The following NBEAL1 variants were observed in gnomAD, a reference collection of about 807,000 sequenced individuals.
NBEAL1 encodes neurobeachin-like protein 1.
In NBEAL1, 273 loss-of-function variants were observed where a neutral mutation model predicts 351.3. The ratio of observed to expected loss-of-function variants is 0.78; its 90% CI spans 0.70 to 0.86. The LOEUF is 0.86. NBEAL1 is among the 40% of genes least tolerant of loss of function. The pLI is 0.00. For missense variants in NBEAL1, 2,961 were observed against 3,201.3 expected (o/e 0.92, Z 1.81); for synonymous variants, 1,050 against 1,086.4 (o/e 0.97, Z 0.66).
chr2:203,050,056 A>G lies in NBEAL1; in HGVS notation c.305+81A>G, dbSNP rs1436759105. 7 of 1,295,298 alleles carry G rather than the reference A, an allele frequency of 5.4e-6. No homozygotes were observed. In the African/African-American group the frequency reaches 8.8e-5, roughly 16 times the overall value. 80.2% of individuals were successfully genotyped at this position (1,295,298 alleles called of 1,614,324 possible). ...AGAACACATGGAGATGAGGAGGGGAACATCACACACTGGGCCTATTGGTGG... is the reference window on the plus strand; with the variant it reads ...AGAACACATGGAGATGAGGAGGGGAGCATCACACACTGGGCCTATTGGTGG... On this transcript the variant is annotated intron_variant, in intron 4 of 55. Transcript: ENST00000683969.
At chr2:203,044,636 AT>A (rs1247758763) in intron 3 of NBEAL1, among the ~76,000 whole-genome samples, 1 of 152,196 alleles carries the variant, frequency 6.6e-6, no homozygotes, top group East Asian at 1.9e-4. Context: ...ACTGTGTTTC[AT>A]GTTTTTGTCA....
At chr2:203,044,507 C>G (rs1358182904) in intron 3 of NBEAL1, among the ~76,000 whole-genome samples, 1 of 152,122 alleles carries the variant, frequency 6.6e-6, no homozygotes, top group Non-Finnish European at 1.5e-5. Flanking sequence ...ACCAGTGTCT[C>G]TTTTCTTGGG....
chr2:203,121,248 T>G (rs2062823729), intron 18 of NBEAL1, among the ~76,000 whole-genome samples: 1 of 152,300 alleles, frequency 6.6e-6, no homozygotes, highest in East Asian at 1.9e-4. Context: ...ACGTTTTATG[T>G]GTATCTTGAA....
At chr2:203,126,484 A>G in intron 21 of NBEAL1, 73 bp from the exon 22 acceptor site, 4 of 1,143,140 alleles carry the variant, frequency 3.5e-6, no homozygotes, top group Non-Finnish European at 4.7e-6. Context: ...GTTCTGATTA[A>G]TGATTTAAAA....
intron 7 of NBEAL1, among the ~76,000 whole-genome samples, chr2:203,075,637 T>C (rs1035664930): frequency 6.6e-6 from 1 of 152,234 alleles, no homozygotes; most frequent in Non-Finnish European, 1.5e-5. Context: ...AGTACTCTGC[T>C]TTACAAATTC....
rs567762642 is a variant in NBEAL1, at chr2:203,149,787, T to C, written c.5462+639T>C. Among the ~76,000 whole-genome samples the C allele has an allele frequency of 4.6e-5, 7 of 152,298 alleles. 1 individual carries two copies. The South Asian group carries it at 1.4e-3, about 32-fold the overall frequency. On this transcript the variant is annotated intron_variant, in intron 34 of 55. Coordinates refer to ENST00000683969, the MANE Select transcript of NBEAL1 (RefSeq NM_001378026.1). ...CAGCTTTCTGACTGTATTTATTGCC[T>C]GTTCTGGTTATTTCATATAAATGGA...
chr2:203,067,778 C>G (rs2061618578), intron 6 of NBEAL1, among the ~76,000 whole-genome samples: 2 of 152,168 alleles, frequency 1.3e-5, no homozygotes. Flanking sequence ...AATCTCCACA[C>G]CACTATGCCC....
chr2:203,110,716 T>TAAATAC (rs1387132496), intron 15 of NBEAL1, among the ~76,000 whole-genome samples: 2 of 73,692 alleles, frequency 2.7e-5, no homozygotes, highest in Non-Finnish European at 6.4e-5. Context: ...TAAATAAATA[T>TAAATAC]ATAGAACGTT....
chr2:203,204,565 T>C (rs923254885), intron 51 of NBEAL1, among the ~76,000 whole-genome samples: 1 of 151,954 alleles, frequency 6.6e-6, no homozygotes, highest in Non-Finnish European at 1.5e-5. Context: ...CTCGAACTCC[T>C]AGGCTCAAGC....
chr2:203,157,187 A>G (rs751429527), intron 35 of NBEAL1, among the ~76,000 whole-genome samples: 25 of 152,172 alleles, frequency 1.6e-4, no homozygotes, highest in Non-Finnish European at 3.1e-4. Context: ...AAAATACATT[A>G]CATGTATTGC....
In NBEAL1 at chr2:203,138,189, A is replaced by T; in HGVS notation, c.4593A>T (p.Ala1531=). The change falls in exon 30 of 56, where the codon GCA becomes GCT. Residue 1531 remains alanine, a synonymous_variant. Coordinates refer to ENST00000683969, the MANE Select transcript of NBEAL1 (RefSeq NM_001378026.1). ...TGCTACAAAAGATGTTAGAATGGGC[A>T]ATCTCAGAAAACAGAGAAGCAAAAA... ...LTLLQKMLEW[A]ISENREAKTN... The T allele has an allele frequency of 6.2e-7, 1 of 1,614,094 alleles. No individual in the cohort carries two copies. The highest frequency in any genetic ancestry group is 8.5e-7 in the Non-Finnish European group (1 of 1,180,000).
chr2:203,120,702 C>T (rs1422130430), intron 18 of NBEAL1, among the ~76,000 whole-genome samples: 1 of 152,074 alleles, frequency 6.6e-6, no homozygotes, highest in East Asian at 1.9e-4. Flanking sequence ...GTAATATTAT[C>T]GGATTCGCAT....
At chr2:203,078,576 C>T (rs10174453) in intron 8 of NBEAL1, among the ~76,000 whole-genome samples, 45,062 of 152,042 alleles carry the variant, frequency 0.3, 7,266 homozygotes, top group East Asian at 0.61. Context: ...TGGGCTCAAG[C>T]GATCTTGCCC....
chr2:203,177,430 C>T (rs920586996), intron 42 of NBEAL1, among the ~76,000 whole-genome samples: 10 of 146,092 alleles, frequency 6.8e-5, no homozygotes, highest in African/African-American at 2.3e-4. Context: ...AATAAAAAGA[C>T]AACCCAATTA....
intron 31 of NBEAL1, among the ~76,000 whole-genome samples, chr2:203,141,363 A>ATTATTATTT (rs2063368097): frequency 5.7e-5 from 1 of 17,488 alleles, no homozygotes. Flanking sequence ...TATTATTATT[A>ATTATTATTT]TTATTTTTTT....
chr2:203,125,661 A>G, intron 20 of NBEAL1, 141 bp downstream of exon 20: 1 of 813,758 alleles, frequency 1.2e-6, no homozygotes, highest in Non-Finnish European at 1.8e-6. Context: ...TACTAATATC[A>G]TTCAGAAAGT....
At chr2:203,100,800 G>T (rs187091367) in intron 12 of NBEAL1, among the ~76,000 whole-genome samples, 1 of 151,936 alleles carries the variant, frequency 6.6e-6, no homozygotes, top group African/African-American at 2.4e-5. Flanking sequence ...CGCCTGCCTC[G>T]ACCTCCAAAA....
chr2:203,161,385 G>T (rs1459283082), intron 36 of NBEAL1, among the ~76,000 whole-genome samples: 1 of 146,166 alleles, frequency 6.8e-6, no homozygotes, highest in Admixed American at 6.9e-5. Context: ...AGTCCCAGCA[G>T]TTTGGGAGGC....
At chr2:203,017,910 C>T (rs2105984938) in intron 2 of NBEAL1, among the ~76,000 whole-genome samples, 1 of 152,108 alleles carries the variant, frequency 6.6e-6, no homozygotes, top group African/African-American at 2.4e-5. Context: ...AAGCCTATCT[C>T]TTCTTGGACA....
Sources: gnomAD v4.1 joint callset for allele counts (sites outside exome capture counted in the v4.1 genomes callset) on GRCh38, gnomAD v4.1.1 for gene constraint, MANE v1.5 for transcripts, NCBI Gene and HGNC (gene_info 2026-07-23, HGNC 2026-07-21) for gene names.